The following CNTNAP2 variants were observed in gnomAD, a reference collection of about 807,000 sequenced individuals.
The protein encoded by CNTNAP2 is contactin-associated protein-like 2.
CNTNAP2 carries 98 observed loss-of-function variants against 155.2 expected under a neutral mutation model. That is an observed-to-expected ratio of 0.63 (90% CI 0.54 to 0.75). The LOEUF is 0.75. Among genes scored for constraint, CNTNAP2 ranks in the 30% least tolerant of loss-of-function variants. The pLI is 0.00. For missense variants in CNTNAP2, 1,727 were observed against 1,688.1 expected (o/e 1.02, Z -0.40); for synonymous variants, 651 against 631.2 (o/e 1.03, Z -0.47).
At chr7:147,380,302 T>A (rs1163953891) in intron 9 of CNTNAP2, among the ~76,000 whole-genome samples, 1 of 152,040 alleles carries the variant, frequency 6.6e-6, no homozygotes, top group Non-Finnish European at 1.5e-5. Flanking sequence ...TTGTTATGAA[T>A]GAAATTTGGA....
chr7:146,908,223 T>C (rs1796188076), intron 3 of CNTNAP2, among the ~76,000 whole-genome samples: 1 of 152,002 alleles, frequency 6.6e-6, no homozygotes, highest in African/African-American at 2.4e-5. Context: ...CACCGCACTG[T>C]CAACATTAGA....
intron 8 of CNTNAP2, among the ~76,000 whole-genome samples, chr7:147,134,017 A>T (rs1239021669): frequency 3.3e-5 from 5 of 152,050 alleles, no homozygotes; most frequent in Non-Finnish European, 2.9e-5. Context: ...ACAAAAGCAA[A>T]TGTTTGCCAC....
intron 1 of CNTNAP2, among the ~76,000 whole-genome samples, chr7:146,266,366 G>A (rs966362131): frequency 2.6e-5 from 4 of 151,886 alleles, no homozygotes; most frequent in Non-Finnish European, 5.9e-5. Context: ...AGTTCTATAT[G>A]CTAACACAAT....
intron 3 of CNTNAP2, among the ~76,000 whole-genome samples, chr7:146,949,278 T>C (rs1451135921): frequency 6.6e-6 from 1 of 152,222 alleles, no homozygotes; most frequent in Non-Finnish European, 1.5e-5. Flanking sequence ...ACATGCAAGC[T>C]TCTGCCCCAG....
chr7:146,572,158 T>C (rs1339229121), intron 1 of CNTNAP2, among the ~76,000 whole-genome samples: 4 of 152,182 alleles, frequency 2.6e-5, no homozygotes, highest in Non-Finnish European at 2.9e-5. Context: ...TTTTAAGGTT[T>C]ATGAAAAGTC....
chr7:148,108,334 C>T (rs1189854379), intron 15 of CNTNAP2, among the ~76,000 whole-genome samples: 1 of 150,954 alleles, frequency 6.6e-6, no homozygotes, highest in Non-Finnish European at 1.5e-5. Flanking sequence ...AGCTCTGATT[C>T]ATGTGTCCTG....
rs376098716 is a variant in CNTNAP2 at position 146,558,130 on chromosome 7, A to G, written c.98-216141A>G. Among the ~76,000 whole-genome samples the G allele has an allele frequency of 2.3e-4, 35 of 152,304 alleles. No homozygotes were observed. In the East Asian group the frequency reaches 4.4e-3, roughly 19 times the overall value. ...TTACCTTGTAGCTGGAATCAGGCCA[A>G]AGCATCTTCTGGAAGAGGTTGCTCA... On this transcript the variant is annotated intron_variant, in intron 1 of 23. Coordinates refer to ENST00000361727, the MANE Select transcript of CNTNAP2 (RefSeq NM_014141.6).
At chr7:148,390,082 T>C (rs963386910) in intron 22 of CNTNAP2, among the ~76,000 whole-genome samples, 4 of 152,074 alleles carry the variant, frequency 2.6e-5, no homozygotes, top group African/African-American at 4.8e-5. Flanking sequence ...AAGAAAAAAC[T>C]GAATACCCAA....
At chr7:147,669,724 T>A (rs1162728546) in intron 13 of CNTNAP2, among the ~76,000 whole-genome samples, 1 of 152,202 alleles carries the variant, frequency 6.6e-6, no homozygotes. Flanking sequence ...TTCTTTTGTT[T>A]CCCATTGGCA....
At chr7:147,096,262 A>T (rs1295519860) in intron 4 of CNTNAP2, among the ~76,000 whole-genome samples, 1 of 152,152 alleles carries the variant, frequency 6.6e-6, no homozygotes, top group African/African-American at 2.4e-5. Context: ...GCATAATACA[A>T]CTCCAAATCA....
intron 8 of CNTNAP2, among the ~76,000 whole-genome samples, chr7:147,139,441 T>C (rs1288511850): frequency 6.6e-6 from 1 of 152,114 alleles, no homozygotes; most frequent in Non-Finnish European, 1.5e-5. Flanking sequence ...TCAGGGATGA[T>C]GTACCTTCAT....
intron 10 of CNTNAP2, among the ~76,000 whole-genome samples, chr7:147,451,738 T>C (rs1479137811): frequency 1.3e-5 from 2 of 150,702 alleles, no homozygotes; most frequent in Non-Finnish European, 2.9e-5. Context: ...ACAAAGAGGT[T>C]GCTATGATTT....
intron 8 of CNTNAP2, among the ~76,000 whole-genome samples, chr7:147,241,636 GAAAAAAA>G (rs773697991): frequency 8.1e-4 from 51 of 63,134 alleles, no homozygotes; most frequent in Non-Finnish European, 1.1e-3. Flanking sequence ...TCAAAAAAAG[GAAAAAAA>G]AAAAAAAAAA....
intron 19 of CNTNAP2, among the ~76,000 whole-genome samples, chr7:148,229,042 A>T (rs6969422): frequency 0.68 from 103,503 of 151,864 alleles, 35,467 homozygotes; most frequent in Middle Eastern, 0.74. Flanking sequence ...CATAATCCCA[A>T]CTTGGATCAT....
intron 13 of CNTNAP2, among the ~76,000 whole-genome samples, chr7:147,702,295 T>C (rs1446151273): frequency 6.6e-6 from 1 of 152,004 alleles, no homozygotes; most frequent in East Asian, 1.9e-4. Context: ...TAAAAAGTGT[T>C]TATATCTAGT....
intron 12 of CNTNAP2, among the ~76,000 whole-genome samples, chr7:147,563,578 G>A (rs1002769923): frequency 3.3e-5 from 5 of 151,842 alleles, no homozygotes; most frequent in Admixed American, 6.6e-5. Flanking sequence ...GTAGTGAGCC[G>A]AGATCAAGCC....
At chr7:148,197,807 A>C (rs1795301205) in intron 18 of CNTNAP2, among the ~76,000 whole-genome samples, 2 of 152,328 alleles carry the variant, frequency 1.3e-5, no homozygotes, top group Middle Eastern at 6.8e-3. Context: ...TGGAAAGAGG[A>C]GGAGCTCAAC....
rs186782644 is a variant in CNTNAP2 at position 146,971,239 on chromosome 7, T to C, written c.403-72668T>C. Among the ~76,000 whole-genome samples, 4 of 152,242 alleles carry C rather than the reference T, an allele frequency of 2.6e-5. No homozygotes were observed. The East Asian group carries it at 7.7e-4, about 29-fold the overall frequency. On this transcript the variant is annotated intron_variant, in intron 3 of 23. Transcript: ENST00000361727. ...AAAAGTTAATACTAAAGAAAGTCTT[T>C]TTTCCCTAAAATATTATTGTACAAA...
chr7:147,780,695 C>T (rs946829778), intron 13 of CNTNAP2, among the ~76,000 whole-genome samples: 5 of 152,274 alleles, frequency 3.3e-5, no homozygotes, highest in East Asian at 1.9e-4. Flanking sequence ...AAGCTCATTC[C>T]GGTTCCCCTT....
Sources: gnomAD v4.1 joint callset for allele counts (sites outside exome capture counted in the v4.1 genomes callset) on GRCh38, gnomAD v4.1.1 for gene constraint, MANE v1.5 for transcripts, NCBI Gene and HGNC (gene_info 2026-07-23, HGNC 2026-07-21) for gene names.